The following PHEX variants were observed in gnomAD, a reference collection of about 807,000 sequenced individuals.
PHEX encodes the protein phosphate regulating endopeptidase X-linked, also known as phosphate-regulating neutral endopeptidase PHEX.
Under a neutral mutation model 68.0 loss-of-function variants are expected in PHEX, and 16 were observed. The observed-to-expected ratio is 0.24, with a 90% CI of 0.16 to 0.36. PHEX has a LOEUF of 0.36. PHEX is among the 10% of genes least tolerant of loss of function. PHEX has a pLI of 1.00. For missense variants in PHEX, 480 were observed against 575.5 expected (o/e 0.83, Z 1.70); for synonymous variants, 208 against 205.1 (o/e 1.01, Z -0.12).
intron 2 of PHEX, among the ~76,000 whole-genome samples, chrX:22,045,050 TGGG>T (rs1927466122): frequency 9.2e-6 from 1 of 108,475 alleles, no homozygotes; most frequent in Non-Finnish European, 1.9e-5. Context: ...TGTGTGTTGT[TGGG>T]GGAGGTTTGA....
intron 12 of PHEX, among the ~76,000 whole-genome samples, chrX:22,158,099 C>A (rs16981797): frequency 0.015 from 1,676 of 111,869 alleles, 36 homozygotes; most frequent in African/African-American, 0.052. Context: ...AGCCTGTTCC[C>A]CTGACTAATT....
chrX:22,036,035 C>T lies in PHEX; in HGVS notation c.119-2434C>T, dbSNP rs866371246. Among the ~76,000 whole-genome samples the T allele has an allele frequency of 3.0e-3, 126 of 41,841 alleles. 2 individuals carry two copies. The highest frequency in any genetic ancestry group is 5.5e-3 in the African/African-American group (63 of 11,492). The allele number at this position is 41,841 out of a possible 115,157, so 36.3% of individuals were successfully genotyped here. A position where few individuals can be genotyped will look rare whatever the true frequency, so the allele number is the denominator to read the frequency against. On this transcript the variant is annotated intron_variant, in intron 1 of 21. Transcript: ENST00000379374. ...ACACACACACACACACACACACGTA[C>T]ATATATATATATATATATATTTTTT...
intron 15 of PHEX, among the ~76,000 whole-genome samples, chrX:22,203,827 T>C (rs1049757622): frequency 1.6e-4 from 18 of 112,177 alleles, no homozygotes; most frequent in African/African-American, 5.2e-4. Flanking sequence ...TAATCATACG[T>C]TACATTGTTA....
At chrX:22,046,679 T>G (rs1467649657) in intron 2 of PHEX, among the ~76,000 whole-genome samples, 2 of 108,295 alleles carry the variant, frequency 1.8e-5, no homozygotes, top group Non-Finnish European at 3.8e-5. Context: ...GTAATTCTCC[T>G]GCCTCAGCCT....
chrX:22,136,724 G>A (rs1932247479), intron 12 of PHEX, among the ~76,000 whole-genome samples: 1 of 111,587 alleles, frequency 9.0e-6, no homozygotes, highest in Non-Finnish European at 1.9e-5. Flanking sequence ...CAATGACCTC[G>A]TCTCAAAATG....
At chrX:22,101,487 A>G (rs745817718) in intron 9 of PHEX, among the ~76,000 whole-genome samples, 22 of 111,913 alleles carry the variant, frequency 2.0e-4, no homozygotes, top group Admixed American at 5.7e-4. Context: ...CTAAACACTC[A>G]TTGGCTAAAT....
At chrX:22,071,968 T>C (rs1928921794) in intron 3 of PHEX, among the ~76,000 whole-genome samples, 1 of 111,764 alleles carries the variant, frequency 8.9e-6, no homozygotes, top group Admixed American at 9.4e-5. Context: ...GGCTCATGCC[T>C]GTAATCCCAG....
At chrX:22,054,515 T>A (rs1048046654) in intron 3 of PHEX, among the ~76,000 whole-genome samples, 3 of 111,838 alleles carry the variant, frequency 2.7e-5, no homozygotes, top group African/African-American at 9.8e-5. Flanking sequence ...GGACCAAGCA[T>A]CCATTGTGGT....
intron 15 of PHEX, 63 bp from the exon 16 acceptor site, chrX:22,212,841 G>T: frequency 1.1e-6 from 1 of 894,716 alleles, no homozygotes; most frequent in Non-Finnish European, 1.7e-6. Flanking sequence ...GTTATAGCTA[G>T]AACCAGGTAC....
At chrX:22,094,878 A>G (rs1367512523) in intron 7 of PHEX, among the ~76,000 whole-genome samples, 1 of 112,275 alleles carries the variant, frequency 8.9e-6, no homozygotes, top group Non-Finnish European at 1.9e-5. Flanking sequence ...AAGAAAGTGT[A>G]AAAATCTCTC....
At chrX:22,158,085 T>G (rs1010498055) in intron 12 of PHEX, among the ~76,000 whole-genome samples, 1 of 112,154 alleles carries the variant, frequency 8.9e-6, no homozygotes, top group Non-Finnish European at 1.9e-5. Context: ...CCAGAGGATA[T>G]TAAAGCCTGT....
rs1359337116 is a variant in PHEX, at chrX:22,249,450, AAAAAAAT to A, written c.*1499_*1505del. 2.4e-5 allele frequency: 1 copy of A among 40,853 alleles called. No homozygotes were observed. Among genetic ancestry groups the A allele is most frequent in the African/African-American group, 1.1e-4 (1 of 9,251 alleles). The allele number at this position is 40,853 out of a possible 1,213,427, so 3.4% of individuals were successfully genotyped here. ...GTGATTTGTGATTCTTTTAAAAAAAAAAAAAATATATATATATATATATATATATATA... is the reference window on the plus strand; with the variant it reads ...GTGATTTGTGATTCTTTTAAAAAAAAATATATATATATATATATATATATA... On this transcript the variant is annotated 3_prime_UTR_variant, in exon 22 of 22. Transcript: ENST00000379374.
chrX:22,190,379 G>A, intron 14 of PHEX, 65 bp from the exon 15 acceptor site: 1 of 746,239 alleles, frequency 1.3e-6, no homozygotes, highest in South Asian at 2.1e-5. Flanking sequence ...TGCTGTGTTT[G>A]TCTTTGCTTC....
intron 9 of PHEX, among the ~76,000 whole-genome samples, chrX:22,107,962 A>G (rs1481007742): frequency 8.9e-6 from 1 of 112,101 alleles, no homozygotes; most frequent in Admixed American, 9.5e-5. Context: ...CAATTACATG[A>G]ACAAGCTGAA....
chrX:22,209,950 A>AAT (rs1556123672), intron 15 of PHEX, among the ~76,000 whole-genome samples: 4 of 108,234 alleles, frequency 3.7e-5, no homozygotes, highest in African/African-American at 1.4e-4. Context: ...TAAAAAAAAA[A>AAT]AAAAATAAAT....
At chrX:22,088,214 A>G (rs998908149) in intron 5 of PHEX, among the ~76,000 whole-genome samples, 1 of 111,993 alleles carries the variant, frequency 8.9e-6, no homozygotes, top group Admixed American at 9.5e-5. Context: ...ACCACAGTTT[A>G]TGCTTTCATG....
chrX:22,049,704 C>T (rs1927723336), intron 3 of PHEX, among the ~76,000 whole-genome samples: 1 of 109,342 alleles, frequency 9.1e-6, no homozygotes, highest in Admixed American at 9.9e-5. Context: ...CCCGGCTCTA[C>T]TAAAAATAAA....
At chrX:22,106,629 C>G (rs187700750) in intron 9 of PHEX, among the ~76,000 whole-genome samples, 1 of 110,505 alleles carries the variant, frequency 9.0e-6, no homozygotes, top group African/African-American at 3.3e-5. Flanking sequence ...AAAAAATGTG[C>G]TGAGCACAGT....
At chrX:22,224,958 A>AGCGCTGTATGATTTATTATCATACC (rs1935408493) in intron 18 of PHEX, among the ~76,000 whole-genome samples, 1 of 113,921 alleles carries the variant, frequency 8.8e-6, no homozygotes, top group Non-Finnish European at 1.9e-5. Context: ...ATTATCATAC[A>AGCGCTGTATGATTTATTATCATACC]GCGCTGTATG....
Sources: gnomAD v4.1 joint callset for allele counts (sites outside exome capture counted in the v4.1 genomes callset) on GRCh38, gnomAD v4.1.1 for gene constraint, MANE v1.5 for transcripts, NCBI Gene and HGNC (gene_info 2026-07-23, HGNC 2026-07-21) for gene names.